MYO5C: variants seen among roughly 807,000 people sequenced by gnomAD.
MYO5C encodes the protein unconventional myosin-Vc.
MYO5C carries 194 observed loss-of-function variants against 235.7 expected under a neutral mutation model. That is an observed-to-expected ratio of 0.82 (90% confidence interval 0.73 to 0.93). The LOEUF is 0.93. Among genes scored for constraint, MYO5C ranks in the 40% least tolerant of loss-of-function variants. The probability of loss-of-function intolerance (pLI) is 0.00; values close to 1 mark genes in which losing one functional copy is unlikely to be tolerated. For missense variants in MYO5C, 2,038 were observed against 2,127.2 expected, an observed-to-expected ratio of 0.96 and a Z score of 0.82; for synonymous variants, 707 against 754.8, an observed-to-expected ratio of 0.94 and a Z score of 1.04.
intron 4 of MYO5C, chr15:52,278,130 C>T: frequency 5.6e-6 from 2 of 355,164 alleles, no homozygotes; most frequent in South Asian, 4.2e-5. Flanking sequence ...GTAAAGGCAG[C>T]TACAAAGATA....
rs977286918 is a variant in MYO5C at position 52,205,144 on chromosome 15, G to A, written c.4541C>T (p.Pro1514Leu). 8 of 1,613,248 alleles carry A rather than the reference G, an allele frequency of 5.0e-6. No homozygotes were observed. The Admixed American group carries it at 6.7e-5, about 13-fold the overall frequency. Residue 1514 changes from proline to leucine, a missense_variant, in exon 38 of 41, where the codon CCG (proline) becomes CTG (leucine). Pro to Leu is a moderately conservative substitution (Grantham distance 98, BLOSUM62 -3). Coordinates refer to ENST00000261839, the MANE Select transcript of MYO5C (RefSeq NM_018728.4). ...MEKNIQPIIV[P>L]GMLEYESLQG... ...CAGGCTCTCATACTCCAGCATTCCC[G>A]GAACTGCGGAGAGACAGGGAGGCTG...
At position 52,251,266 on chromosome 15, in the gene MYO5C, A is replaced by T. The variant is rs796161706; in HGVS notation, c.1662+124T>A. ...ACAAATAAGGAACTGTTAAACACAC[A>T]CTCATCAAAGCTACATGTTAAGTAT... On this transcript the variant is annotated intron_variant, in intron 13 of 40. Transcript: ENST00000261839. The T allele has an allele frequency of 4.6e-5, 41 of 890,382 alleles. 1 individual carries two copies. The South Asian group carries it at 1.3e-3, about 28-fold the overall frequency. 55.2% of individuals were successfully genotyped at this position (890,382 alleles called of 1,614,324 possible).
Position 52,264,246 on chromosome 15 carries a change from G to C in MYO5C, c.991C>G (p.Leu331Val), listed in dbSNP as rs756439044. The change falls in exon 9 of 41, where the codon CTA (leucine) becomes GTA (valine). Residue 331 changes from leucine to valine, a missense_variant. Physicochemically the swap from Leu to Val is conservative, Grantham distance 32. Coordinates refer to ENST00000261839, the MANE Select transcript of MYO5C (RefSeq NM_018728.4). ...MDVFKILAAILHLGNVQITAV... is the reference protein window; with the variant it reads ...MDVFKILAAIVHLGNVQITAV... ...GTGATCTGCACATTGCCCAGATGTA[G>C]GATGGCTGCCAGGATTTTAAAAACG... The C allele has an allele frequency of 6.2e-7, 1 of 1,614,154 alleles. No homozygotes were observed. The highest frequency in any genetic ancestry group is 8.5e-7 in the Non-Finnish European group (1 of 1,180,008).
intron 5 of MYO5C, among the ~76,000 whole-genome samples, chr15:52,274,265 A>G (rs1052225468): frequency 4.6e-5 from 7 of 152,184 alleles, no homozygotes; most frequent in African/African-American, 1.7e-4. Flanking sequence ...TGGGCATTTA[A>G]CTTGGCACTG....
At chr15:52,228,369 C>G (rs1241689587) in intron 25 of MYO5C, among the ~76,000 whole-genome samples, 6 of 152,244 alleles carry the variant, frequency 3.9e-5, no homozygotes, top group African/African-American at 1.2e-4. Context: ...GTCTAGAACC[C>G]CTGACCTCAT....
intron 40 of MYO5C, among the ~76,000 whole-genome samples, chr15:52,194,322 T>C (rs2034999242): frequency 6.6e-6 from 1 of 152,260 alleles, no homozygotes. Context: ...ATCTGTTTTC[T>C]ATTCTAATCT....
rs144794632 is a variant in MYO5C at position 52,214,657 on chromosome 15, C to A, written c.3988G>T (p.Val1330Leu). The change falls in exon 33 of 41, where the codon GTG becomes TTG. Residue 1330 changes from valine (V) to leucine (L), a missense_variant. Transcript: ENST00000261839. ...LEEELDMKDR[V>L]IKKLQDQVKT... Reference sequence around the variant, plus strand: ...ACTTGATCTTGTAGCTTTTTAATCACTCTGTCTTTCATGTCTAATTCTTCT... The same window carrying A: ...ACTTGATCTTGTAGCTTTTTAATCAATCTGTCTTTCATGTCTAATTCTTCT... 279 of 1,608,950 alleles carry A rather than the reference C, an allele frequency of 1.7e-4. No homozygotes were observed. The African/African-American group carries it at 3.3e-3, about 19-fold the overall frequency.
intron 7 of MYO5C, among the ~76,000 whole-genome samples, 171 bp downstream of exon 7, chr15:52,271,592 G>C (rs1466739347): frequency 1.3e-5 from 2 of 150,238 alleles, no homozygotes; most frequent in East Asian, 3.9e-4. Flanking sequence ...TCATCCCCCC[G>C]GCCCTAATCC....
rs115286069 is a variant in MYO5C, at chr15:52,282,044, G to C, written c.138+738C>G. Among the ~76,000 whole-genome samples, 243 of 152,296 alleles carry C rather than the reference G, an allele frequency of 1.6e-3. 1 individual carries two copies. Among genetic ancestry groups the C allele is most frequent in the African/African-American group, 5.7e-3 (239 of 41,566 alleles). ...AAGGACAACTCATGAGGGACACTTAGAGCAAATGCAAAGTCTTCAGAAGCT... is the reference window on the plus strand; with the variant it reads ...AAGGACAACTCATGAGGGACACTTACAGCAAATGCAAAGTCTTCAGAAGCT... On this transcript the variant is annotated intron_variant, in intron 2 of 40. Transcript: ENST00000261839.
intron 11 of MYO5C, 75 bp downstream of exon 11, chr15:52,256,562 AAC>A (rs373248361): frequency 7.4e-4 from 466 of 631,714 alleles, no homozygotes; most frequent in African/African-American, 6.7e-3. Context: ...TCTTTCCACG[AAC>A]ACACACACAC....
intron 32 of MYO5C, 63 bp from the exon 33 acceptor site, chr15:52,214,753 T>C: frequency 9.1e-7 from 1 of 1,097,622 alleles, no homozygotes. Flanking sequence ...TTTTTTTTTT[T>C]TGGGTAACAG....
chr15:52,248,434 C>A (rs1177885331), intron 14 of MYO5C, among the ~76,000 whole-genome samples: 1 of 152,222 alleles, frequency 6.6e-6, no homozygotes, highest in African/African-American at 2.4e-5. Flanking sequence ...GCGTGAGCCA[C>A]CACGTCTGGC....
chr15:52,195,067 TG>T (rs2035016163), intron 40 of MYO5C, among the ~76,000 whole-genome samples: 1 of 151,978 alleles, frequency 6.6e-6, no homozygotes, highest in South Asian at 2.1e-4. Flanking sequence ...AAAAGAAAAA[TG>T]GTCTCTGTTT....
chr15:52,259,849 C>T (rs757924321), intron 10 of MYO5C, among the ~76,000 whole-genome samples: 4 of 152,272 alleles, frequency 2.6e-5, no homozygotes, highest in Non-Finnish European at 4.4e-5. Context: ...CCCTGTCCCC[C>T]TCCTCCCCAG....
At chr15:52,223,510 T>A (rs1322712419) in intron 29 of MYO5C, 34 bp downstream of exon 29, 1 of 1,591,718 alleles carries the variant, frequency 6.3e-7, no homozygotes. Context: ...TCTAGTATGA[T>A]GGCCACGACT....
chr15:52,295,787 C>T lies in MYO5C; in HGVS notation c.-151G>A, dbSNP rs530342941. ...AAGTTTTCCAACGGCCTCCTGTTCC[C>T]GTTCCCGAGTTGGCGGCGAGGGGAG... On this transcript the variant is annotated 5_prime_UTR_variant, in exon 1 of 41. Coordinates refer to ENST00000261839, the MANE Select transcript of MYO5C (RefSeq NM_018728.4). 37 of 492,048 alleles carry T rather than the reference C, an allele frequency of 7.5e-5. No individual in the cohort carries two copies. Among genetic ancestry groups the T allele is most frequent in the Non-Finnish European group, 1.2e-4 (36 of 296,814 alleles). 30.5% of individuals were successfully genotyped at this position (492,048 alleles called of 1,614,324 possible). A position where few individuals can be genotyped will look rare whatever the true frequency, so the allele number is the denominator to read the frequency against.
chr15:52,253,442 C>A lies in MYO5C; in HGVS notation c.1411G>T (p.Glu471Ter), dbSNP rs1056184859. 2 of 1,612,720 alleles carry A rather than the reference C, an allele frequency of 1.2e-6. No homozygotes were observed. The highest frequency in any genetic ancestry group is 1.1e-5 in the South Asian group (1 of 90,718). The change falls in exon 12 of 41, where the codon GAA becomes TAA. Residue 471 changes from glutamate (E) to a stop codon, truncating the protein, a stop_gained. Transcript: ENST00000261839. LOFTEE classifies it high-confidence loss of function. ...TCTTCCTTCATGTATTCTTCTTGTT[C>A]CAGTTTGAAGACATGCTGGGAATCC... ...QQFNMHVFKL[E>*]QEEYMKEDIP...
chr15:52,219,914 T>C (rs1325654516), intron 30 of MYO5C, 92 bp from the exon 31 acceptor site: 1 of 915,372 alleles, frequency 1.1e-6, no homozygotes, highest in African/African-American at 1.7e-5. Flanking sequence ...TTAGAGGTCC[T>C]AAACTAGGGG....
intron 1 of MYO5C, among the ~76,000 whole-genome samples, chr15:52,291,249 C>T (rs1452499785): frequency 6.6e-6 from 1 of 152,208 alleles, no homozygotes; most frequent in Non-Finnish European, 1.5e-5. Flanking sequence ...TGTGAAAATT[C>T]ACCCAGAGGA....
Sources: gnomAD v4.1 joint callset for allele counts (sites outside exome capture counted in the v4.1 genomes callset) on GRCh38, gnomAD v4.1.1 for gene constraint, MANE v1.5 for transcripts, NCBI Gene and HGNC (gene_info 2026-07-23, HGNC 2026-07-21) for gene names.